UHRF2: variants seen among roughly 807,000 people sequenced by gnomAD.
The protein encoded by UHRF2 is E3 ubiquitin-protein ligase UHRF2.
A neutral mutation model predicts 96.8 loss-of-function variants in UHRF2; 23 were observed. That is an observed-to-expected ratio of 0.24 (90% CI 0.17 to 0.34). The LOEUF is 0.34. Ranked by LOEUF, UHRF2 falls within the 10% of genes least tolerant of loss-of-function variation. The pLI is 1.00. For synonymous variants in UHRF2, 385 were observed against 332.6 expected (o/e 1.16, Z -1.72); for missense variants, 685 against 981.5 (o/e 0.70, Z 4.04).
chr9:6,437,234 T>G (rs1408959952), intron 3 of UHRF2, among the ~76,000 whole-genome samples: 5 of 152,176 alleles, frequency 3.3e-5, no homozygotes, highest in Admixed American at 1.3e-4. Flanking sequence ...ATTTTTTATT[T>G]TATTATTATT....
Position 6,483,324 on chromosome 9 carries a change from C to CAAAAAA in UHRF2, c.1392+1243_1392+1248dup, listed in dbSNP as rs34497002. Among the ~76,000 whole-genome samples the CAAAAAA allele has an allele frequency of 1.1e-3, 64 of 59,534 alleles. 1 individual carries two copies. The highest frequency in any genetic ancestry group is 1.9e-3 in the Non-Finnish European group (55 of 28,542). 39.1% of individuals were successfully genotyped at this position (59,534 alleles called of 152,430 possible). On this transcript the variant is annotated intron_variant, in intron 8 of 15. Coordinates refer to ENST00000276893, the MANE Select transcript of UHRF2 (RefSeq NM_152896.3). ...TGGGTGACAGAGCGAGACTCTGTCT[C>CAAAAAA]AAAAAAAAAAAAAAAAAAAAAAATC...
chr9:6,421,170 T>A, intron 2 of UHRF2, 28 bp downstream of exon 2: 1 of 1,480,692 alleles, frequency 6.8e-7, no homozygotes, highest in Non-Finnish European at 9.3e-7. Flanking sequence ...GACTTACTGT[T>A]GTGAGAATAC....
Position 6,463,417 on chromosome 9 carries a change from A to T in UHRF2, c.863+2626A>T, listed in dbSNP as rs574022660. ...ATTCTTTGTCATTAAAGTTTTTACT[A>T]GAAACGTTAGGAACACAATAGCTAA... On this transcript the variant is annotated intron_variant, in intron 4 of 15. Transcript: ENST00000276893. Among the ~76,000 whole-genome samples the T allele has an allele frequency of 4.6e-5, 7 of 152,312 alleles. No individual in the cohort carries two copies. In the East Asian group the frequency reaches 1.3e-3, roughly 29 times the overall value.
intron 3 of UHRF2, among the ~76,000 whole-genome samples, chr9:6,458,747 A>G (rs1053700752): frequency 1.3e-5 from 2 of 152,182 alleles, no homozygotes; most frequent in Non-Finnish European, 2.9e-5. Context: ...AAATCATTCT[A>G]CTATAAAGAC....
chr9:6,460,365 T>G (rs1787699104), intron 3 of UHRF2, among the ~76,000 whole-genome samples: 1 of 152,148 alleles, frequency 6.6e-6, no homozygotes, highest in African/African-American at 2.4e-5. Flanking sequence ...GGGAGACAGT[T>G]CATGCTGATA....
intron 3 of UHRF2, among the ~76,000 whole-genome samples, chr9:6,442,729 A>C (rs561727183): frequency 6.6e-6 from 1 of 151,770 alleles, no homozygotes; most frequent in Non-Finnish European, 1.5e-5. Context: ...AGGCTCAAGC[A>C]ATCCTTTCAC....
rs775720670 is a variant in UHRF2 at position 6,497,204 on chromosome 9, G to A, written c.1611G>A (p.Leu537=). Reference sequence around the variant, plus strand: ...CTTCTTTGTTGTTTTTTAGGGCATTGGCCCTAAACTGTGATGCTCCATTGG... The same window carrying A: ...CTTCTTTGTTGTTTTTTAGGGCATTAGCCCTAAACTGTGATGCTCCATTGG... The part of the protein sequence containing the change: ...DQTLTNMNRA[L]ALNCDAPLDD... Residue 537 remains leucine (L), a synonymous_variant, in exon 11 of 16, where the codon TTG becomes TTA. Transcript: ENST00000276893. The A allele has an allele frequency of 1.2e-5, 20 of 1,613,112 alleles. No individual in the cohort carries two copies. The highest frequency in any genetic ancestry group is 1.6e-5 in the Non-Finnish European group (19 of 1,179,584).
chr9:6,502,871 G>A (rs1389351349), intron 14 of UHRF2, among the ~76,000 whole-genome samples: 1 of 152,150 alleles, frequency 6.6e-6, no homozygotes, highest in Non-Finnish European at 1.5e-5. Flanking sequence ...TTAAAAATGT[G>A]TTTATAATAC....
In UHRF2 at chr9:6,498,118, A is replaced by T; in HGVS notation, c.1868A>T (p.Glu623Val). 1 of 1,613,998 alleles carries T rather than the reference A, an allele frequency of 6.2e-7. No individual in the cohort carries two copies. The highest frequency in any genetic ancestry group is 8.5e-7 in the Non-Finnish European group (1 of 1,179,956). ...GTTGAACCTGCTCCTTGGACCTCTG[A>T]AGGAATAGAACGGTCAAGGAGATTA... ...DDVEPAPWTS[E>V]GIERSRRLCL... is the part of the protein sequence containing the mutation. Residue 623 changes from glutamate to valine, a missense_variant, in exon 12 of 16, where the codon GAA becomes GTA. Glu to Val is a moderately radical substitution (Grantham distance 121, BLOSUM62 -2). Transcript: ENST00000276893.
At chr9:6,454,486 A>G (rs756029326) in intron 3 of UHRF2, among the ~76,000 whole-genome samples, 8 of 152,228 alleles carry the variant, frequency 5.3e-5, no homozygotes, top group Non-Finnish European at 8.8e-5. Flanking sequence ...TTGATTCAGT[A>G]TCAAGTACCT....
At chr9:6,467,602 T>TTG (rs1554629468) in intron 4 of UHRF2, among the ~76,000 whole-genome samples, 2 of 150,406 alleles carry the variant, frequency 1.3e-5, no homozygotes, top group Non-Finnish European at 3.0e-5. Flanking sequence ...ATAGTTTTTT[T>TTG]TTTTTTTTTT....
chr9:6,487,026 G>T (rs1824329453), intron 9 of UHRF2, 101 bp downstream of exon 9: 1 of 1,113,498 alleles, frequency 9.0e-7, no homozygotes, highest in Non-Finnish European at 1.3e-6. Flanking sequence ...TGTCTTTTTA[G>T]CACAGTTTTT....
At chr9:6,468,035 A>G (rs1248970165) in intron 4 of UHRF2, among the ~76,000 whole-genome samples, 1 of 152,090 alleles carries the variant, frequency 6.6e-6, no homozygotes, top group Non-Finnish European at 1.5e-5. Context: ...ATAGTTGCTG[A>G]TTACCATTTA....
chr9:6,437,343 C>T (rs1820912078), intron 3 of UHRF2, among the ~76,000 whole-genome samples: 1 of 152,056 alleles, frequency 6.6e-6, no homozygotes, highest in African/African-American at 2.4e-5. Flanking sequence ...AGCGATTCTC[C>T]TGCCTCAGCC....
At chr9:6,417,231 T>C (rs771561424) in intron 1 of UHRF2, among the ~76,000 whole-genome samples, 20 of 152,190 alleles carry the variant, frequency 1.3e-4, no homozygotes. Context: ...TCTTGTTACC[T>C]GGAGTTTCTT....
At chr9:6,474,370 CT>C (rs778292165) in intron 4 of UHRF2, among the ~76,000 whole-genome samples, 12 of 152,170 alleles carry the variant, frequency 7.9e-5, no homozygotes, top group Non-Finnish European at 1.3e-4. Flanking sequence ...AAGATTTAGG[CT>C]TCTTAAATCT....
At chr9:6,468,239 C>A (rs866130492) in intron 4 of UHRF2, 2 of 348,980 alleles carry the variant, frequency 5.7e-6, no homozygotes, top group Non-Finnish European at 1.1e-5. Flanking sequence ...TAAAGAGTGT[C>A]TTGATAAGCC....
intron 4 of UHRF2, among the ~76,000 whole-genome samples, chr9:6,467,217 A>T (rs761577448): frequency 6.6e-6 from 1 of 152,186 alleles, no homozygotes; most frequent in Non-Finnish European, 1.5e-5. Context: ...CGCCTCCCAC[A>T]TGCCTTAGCT....
At chr9:6,431,515 G>A (rs1231645215) in intron 2 of UHRF2, among the ~76,000 whole-genome samples, 1 of 152,048 alleles carries the variant, frequency 6.6e-6, no homozygotes, top group East Asian at 1.9e-4. Context: ...GAGTTCAGGA[G>A]TAGGAGGCTG....
Sources: gnomAD v4.1 joint callset for allele counts (sites outside exome capture counted in the v4.1 genomes callset) on GRCh38, gnomAD v4.1.1 for gene constraint, MANE v1.5 for transcripts, NCBI Gene and HGNC (gene_info 2026-07-23, HGNC 2026-07-21) for gene names.